Variants in TENT4A observed in about 807,000 individuals in gnomAD.
TENT4A encodes terminal nucleotidyltransferase 4A, also known as DNA polymerase kappa.
TENT4A carries 7 observed loss-of-function variants against 72.8 expected under a neutral mutation model. That is an observed-to-expected ratio of 0.10 (90% CI 0.05 to 0.18). TENT4A has a LOEUF of 0.18. Among genes scored for constraint, TENT4A ranks in the 10% least tolerant of loss-of-function variants. The probability of loss-of-function intolerance (pLI) is 1.00; values close to 1 mark genes in which losing one functional copy is unlikely to be tolerated. For synonymous variants in TENT4A, 456 were observed against 434.3 expected (o/e 1.05, Z -0.62); for missense variants, 831 against 1,017.7 (o/e 0.82, Z 2.50).
chr5:6,735,496 C>A (rs1471709240), intron 1 of TENT4A, among the ~76,000 whole-genome samples: 3 of 152,148 alleles, frequency 2.0e-5, no homozygotes, highest in African/African-American at 7.2e-5. Context: ...GGATGTTAAC[C>A]TGCTAACGTG....
At chr5:6,741,492 T>G (rs1414437594) in intron 4 of TENT4A, among the ~76,000 whole-genome samples, 3 of 152,172 alleles carry the variant, frequency 2.0e-5, no homozygotes, top group Non-Finnish European at 4.4e-5. Context: ...TCCTAAACTG[T>G]GGGTGTCAGG....
chr5:6,739,036 A>G (rs1741660103), intron 3 of TENT4A, among the ~76,000 whole-genome samples: 1 of 152,226 alleles, frequency 6.6e-6, no homozygotes, highest in Non-Finnish European at 1.5e-5. Context: ...TTCTGCTGAT[A>G]TTTTAGGACA....
chr5:6,739,650 T>C, intron 3 of TENT4A, 82 bp from the exon 4 acceptor site: 1 of 1,542,874 alleles, frequency 6.5e-7, no homozygotes, highest in Non-Finnish European at 8.9e-7. Flanking sequence ...CAGGCACATG[T>C]GCCTTGGTGC....
At chr5:6,715,917 A>G (rs1740361596) in intron 1 of TENT4A, among the ~76,000 whole-genome samples, 1 of 152,198 alleles carries the variant, frequency 6.6e-6, no homozygotes, top group African/African-American at 2.4e-5. Context: ...TCTTACCTGT[A>G]GAACTTTCTG....
rs770055869 is a variant in TENT4A at position 6,750,346 on chromosome 5, T to A, written c.1703T>A (p.Ile568Asn). ...PSPGMDSRIK[I>N]KERIATCNGE... ...CCCTCCACAGACAGCAGGATCAAGA[T>A]CAAAGAGCGAATAGCCACATGCAAT... The change falls in exon 10 of 13, where the codon ATC becomes AAC. Residue 568 changes from isoleucine (I) to asparagine (N), a missense_variant. Coordinates refer to ENST00000230859, the MANE Select transcript of TENT4A (RefSeq NM_006999.6). 1 of 1,611,482 alleles carries A rather than the reference T, an allele frequency of 6.2e-7. No homozygotes were observed. Among genetic ancestry groups the A allele is most frequent in the Non-Finnish European group, 8.5e-7 (1 of 1,178,904 alleles).
chr5:6,742,280 G>A (rs372040121), intron 4 of TENT4A, among the ~76,000 whole-genome samples: 18 of 152,284 alleles, frequency 1.2e-4, no homozygotes, highest in East Asian at 9.6e-4. Flanking sequence ...CAGGGCTACA[G>A]GGGCTGGGCA....
At chr5:6,720,750 T>C (rs940962231) in intron 1 of TENT4A, among the ~76,000 whole-genome samples, 2 of 151,952 alleles carry the variant, frequency 1.3e-5, no homozygotes, top group Non-Finnish European at 2.9e-5. Context: ...TGTGAATATA[T>C]GAAAATACAG....
intron 4 of TENT4A, among the ~76,000 whole-genome samples, chr5:6,741,787 C>CT (rs1186110069): frequency 2.0e-5 from 3 of 152,198 alleles, no homozygotes; most frequent in Non-Finnish European, 2.9e-5. Context: ...TCGTTAGACA[C>CT]TGATTGTTTT....
Position 6,751,160 on chromosome 5 carries a change from C to G in TENT4A, c.1982C>G (p.Thr661Ser). The change falls in exon 11 of 13, where the codon ACC becomes AGC. Residue 661 changes from threonine to serine, a missense_variant. Physicochemically the swap from Thr to Ser is moderately conservative, Grantham distance 58 (BLOSUM62 1). Coordinates refer to ENST00000230859, the MANE Select transcript of TENT4A (RefSeq NM_006999.6). Reference protein sequence around the residue: ...LPMPSGKPQPTTSRTLIMTTN... With the variant: ...LPMPSGKPQPSTSRTLIMTTN... ...ATGCCCAGTGGCAAACCTCAGCCCA[C>G]CACTTCCAGAACACTGATCATGACA... The G allele has an allele frequency of 6.2e-7, 1 of 1,614,236 alleles. No individual in the cohort carries two copies. The highest frequency in any genetic ancestry group is 1.1e-5 in the South Asian group (1 of 91,088).
Position 6,728,302 on chromosome 5 carries a change from A to T in TENT4A, c.717-9208A>T, listed in dbSNP as rs550435553. ...TAATGAGTATTCATCACCAATGAAT[A>T]GTAACAGTTTTTTTTACTAAGGCTA... On this transcript the variant is annotated intron_variant, in intron 1 of 12. Coordinates refer to ENST00000230859, the MANE Select transcript of TENT4A (RefSeq NM_006999.6). Among the ~76,000 whole-genome samples the T allele has an allele frequency of 5.9e-5, 9 of 152,248 alleles. No individual in the cohort carries two copies. The South Asian group carries it at 1.9e-3, about 32-fold the overall frequency.
intron 8 of TENT4A, among the ~76,000 whole-genome samples, chr5:6,749,047 G>A (rs373153839): frequency 2.0e-5 from 3 of 152,188 alleles, no homozygotes; most frequent in Admixed American, 2.0e-4. Context: ...TAACGTGGTC[G>A]TCAAGAGTGG....
rs371737445 is a variant in TENT4A, at chr5:6,749,643, C to G, written c.1673C>G (p.Pro558Arg). 1.2e-6 allele frequency: 2 copies of G among 1,610,580 alleles called. No homozygotes were observed. Among genetic ancestry groups the G allele is most frequent in the African/African-American group, 2.7e-5 (2 of 74,962 alleles). ...GAGAAGTGGGGCAGCAAAGCCCACCCGTCGCCAGGCATGGGTGAGAGATTA... is the reference window on the plus strand; with the variant it reads ...GAGAAGTGGGGCAGCAAAGCCCACCGGTCGCCAGGCATGGGTGAGAGATTA... ...IKEKWGSKAH[P>R]SPGMDSRIKI... Residue 558 changes from proline to arginine, a missense_variant, in exon 9 of 13, where the codon CCG (proline) becomes CGG (arginine). Transcript: ENST00000230859.
Position 6,751,330 on chromosome 5 carries a change from T to G in TENT4A, c.2019+133T>G, listed in dbSNP as rs1579500932. The G allele has an allele frequency of 1.6e-5, 14 of 899,628 alleles. No individual in the cohort carries two copies. The African/African-American group carries it at 1.6e-4, about 11-fold the overall frequency. 55.7% of individuals were successfully genotyped at this position (899,628 alleles called of 1,614,324 possible). A position where few individuals can be genotyped will look rare whatever the true frequency, so the allele number is the denominator to read the frequency against. On this transcript the variant is annotated intron_variant, in intron 11 of 12. Coordinates refer to ENST00000230859, the MANE Select transcript of TENT4A (RefSeq NM_006999.6). The stretch of plus-strand genomic sequence containing the variant: ...TTTTGAGTATTTGGCCATTGGTGTG[T>G]TGTTCTAGGAAATCCTCTCTTTTTT...
At chr5:6,715,414 G>A (rs1162907300) in intron 1 of TENT4A, among the ~76,000 whole-genome samples, 1 of 152,186 alleles carries the variant, frequency 6.6e-6, no homozygotes, top group Non-Finnish European at 1.5e-5. Context: ...AACGAAAGGT[G>A]GTGTGTGTTT....
At chr5:6,719,593 C>T (rs931421429) in intron 1 of TENT4A, among the ~76,000 whole-genome samples, 18 of 152,256 alleles carry the variant, frequency 1.2e-4, no homozygotes, top group Admixed American at 9.2e-4. Flanking sequence ...TCGCCCTCTT[C>T]GAAAGCTGCC....
At chr5:6,736,779 C>T (rs2126631248) in intron 1 of TENT4A, among the ~76,000 whole-genome samples, 1 of 152,340 alleles carries the variant, frequency 6.6e-6, no homozygotes, top group South Asian at 2.1e-4. Context: ...GAAAACACTG[C>T]TTTAGAGCTT....
rs968037198 is a variant in TENT4A, at chr5:6,755,751, C to T, written c.*806C>T. The T allele has an allele frequency of 4.6e-5, 7 of 152,274 alleles. No homozygotes were observed. Among genetic ancestry groups the T allele is most frequent in the African/African-American group, 1.2e-4 (5 of 41,468 alleles). 9.4% of individuals were successfully genotyped at this position (152,274 alleles called of 1,614,324 possible). The stretch of plus-strand genomic sequence containing the variant: ...TGCCCGTGGCCCTGCTGTCGGGCCC[C>T]AGGCCGTTGTCCTGCTCTGACCACA... On this transcript the variant is annotated 3_prime_UTR_variant, in exon 13 of 13. Coordinates refer to ENST00000230859, the MANE Select transcript of TENT4A (RefSeq NM_006999.6).
At chr5:6,748,756 C>CTG (rs1742240824) in intron 8 of TENT4A, among the ~76,000 whole-genome samples, 166 bp downstream of exon 8, 1 of 152,124 alleles carries the variant, frequency 6.6e-6, no homozygotes, top group Admixed American at 6.5e-5. Context: ...TATGGGATGG[C>CTG]TGTGTGGGAT....
intron 1 of TENT4A, among the ~76,000 whole-genome samples, chr5:6,717,621 C>T (rs1740452177): frequency 6.6e-6 from 1 of 152,226 alleles, no homozygotes; most frequent in South Asian, 2.1e-4. Context: ...CTTCTTTTGG[C>T]TCTGGTTCTT....
Sources: allele counts gnomAD v4.1 joint callset (sites outside exome capture counted in the v4.1 genomes callset), GRCh38; gene constraint gnomAD v4.1.1; transcripts MANE v1.5; gene names NCBI Gene and HGNC (gene_info 2026-07-23, HGNC 2026-07-21).